The following NRG3 variants were observed in gnomAD, a reference collection of about 807,000 sequenced individuals.
NRG3 encodes the protein pro-neuregulin-3, membrane-bound isoform.
In NRG3, 31 loss-of-function variants were observed where a neutral mutation model predicts 66.9. The ratio of observed to expected loss-of-function variants is 0.46; its 90% CI spans 0.35 to 0.63. NRG3 has a LOEUF of 0.63. Ranked by LOEUF, NRG3 falls within the 20% of genes least tolerant of loss-of-function variation. NRG3 has a pLI of 0.00. For missense variants in NRG3, 910 were observed against 878.9 expected (o/e 1.04, Z -0.45); for synonymous variants, 393 against 359.4 (o/e 1.09, Z -1.06).
intron 1 of NRG3, among the ~76,000 whole-genome samples, chr10:82,121,462 G>A (rs1429299355): frequency 6.6e-6 from 1 of 152,100 alleles, no homozygotes; most frequent in East Asian, 1.9e-4. Context: ...ACTGCTTTCT[G>A]CAGAGTAGAC....
rs746088038 is a variant in NRG3 at position 82,223,988 on chromosome 10, C to T, written c.824-134751C>T. Among the ~76,000 whole-genome samples, 40 of 152,188 alleles carry T rather than the reference C, an allele frequency of 2.6e-4. 1 individual carries two copies. Among genetic ancestry groups the T allele is most frequent in the Admixed American group, 8.5e-4 (13 of 15,284 alleles). ...GTCTTATCATGACAGAAAATGTTGCCGGATTCTGGGCCAAAGTATGAAACA... is the reference window on the plus strand; with the variant it reads ...GTCTTATCATGACAGAAAATGTTGCTGGATTCTGGGCCAAAGTATGAAACA... On this transcript the variant is annotated intron_variant, in intron 1 of 8. Coordinates refer to ENST00000372141, the MANE Select transcript of NRG3 (RefSeq NM_001010848.4).
At chr10:82,976,319 G>C (rs139345551) in intron 7 of NRG3, among the ~76,000 whole-genome samples, 292 of 152,326 alleles carry the variant, frequency 1.9e-3, no homozygotes, top group African/African-American at 6.5e-3. Context: ...GCCTCCGAAA[G>C]TGCTGGGATT....
intron 2 of NRG3, among the ~76,000 whole-genome samples, chr10:82,616,249 G>T (rs1397356518): frequency 6.6e-6 from 1 of 152,134 alleles, no homozygotes; most frequent in Non-Finnish European, 1.5e-5. Context: ...TTAATTAGAT[G>T]TATTTTTTTT....
At chr10:82,399,656 T>G (rs2136040653) in intron 2 of NRG3, among the ~76,000 whole-genome samples, 1 of 152,298 alleles carries the variant, frequency 6.6e-6, no homozygotes, top group Non-Finnish European at 1.5e-5. Flanking sequence ...AAAAAGACAC[T>G]AATCCTATCA....
chr10:82,172,702 A>G (rs558142314), intron 1 of NRG3, among the ~76,000 whole-genome samples: 1 of 152,076 alleles, frequency 6.6e-6, no homozygotes, highest in Non-Finnish European at 1.5e-5. Flanking sequence ...GCCTTTATGC[A>G]TGTAAATTTA....
chr10:82,112,657 C>A (rs533817636), intron 1 of NRG3, among the ~76,000 whole-genome samples: 15 of 152,272 alleles, frequency 9.9e-5, no homozygotes, highest in African/African-American at 3.4e-4. Flanking sequence ...AATTATGACA[C>A]ATCTATTATT....
At position 82,001,538 on chromosome 10, in the gene NRG3, G is replaced by T. The variant is rs140021623; in HGVS notation, c.823+125375G>T. ...AGAAAAAGAAAAAAGGGGAAACGAG[G>T]AAAGAAGGAAAAAGAAGAGAGGAAT... is the stretch of plus-strand genomic sequence containing the variant. On this transcript the variant is annotated intron_variant, in intron 1 of 8. Coordinates refer to ENST00000372141, the MANE Select transcript of NRG3 (RefSeq NM_001010848.4). Among the ~76,000 whole-genome samples the T allele has an allele frequency of 3.0e-3, 456 of 151,800 alleles. 3 individuals are homozygous for T. Among genetic ancestry groups the T allele is most frequent in the African/African-American group, 1.0e-2 (413 of 41,418 alleles).
At chr10:82,418,641 C>T (rs989849760) in intron 2 of NRG3, among the ~76,000 whole-genome samples, 28 of 152,270 alleles carry the variant, frequency 1.8e-4, no homozygotes, top group African/African-American at 6.5e-4. Context: ...CACTCTGTTG[C>T]CTAGGCTGGA....
Position 82,855,482 on chromosome 10 carries a change from C to T in NRG3, c.1028-9929C>T, listed in dbSNP as rs541612911. ...GCACTATCTAGGCTCACTGCAACCT[C>T]GACTTCCCAGGCTCAAGCCATCCTC... On this transcript the variant is annotated intron_variant, in intron 3 of 8. Transcript: ENST00000372141. Among the ~76,000 whole-genome samples the T allele has an allele frequency of 3.3e-5, 5 of 152,210 alleles. No individual in the cohort carries two copies. In the South Asian group the frequency reaches 8.3e-4, roughly 25 times the overall value.
intron 2 of NRG3, among the ~76,000 whole-genome samples, chr10:82,529,201 A>G (rs963061524): frequency 2.0e-5 from 3 of 152,194 alleles, no homozygotes; most frequent in African/African-American, 7.2e-5. Context: ...GTCTTCTCAA[A>G]TGCGACTAAG....
chr10:82,392,229 AT>A (rs2086423315), intron 2 of NRG3, among the ~76,000 whole-genome samples: 2 of 152,132 alleles, frequency 1.3e-5, no homozygotes, highest in South Asian at 4.1e-4. Context: ...CGTCATTTCT[AT>A]TTCCTACCAT....
At chr10:82,517,644 TTTG>T (rs1845796337) in intron 2 of NRG3, among the ~76,000 whole-genome samples, 2 of 85,306 alleles carry the variant, frequency 2.3e-5, no homozygotes, top group Non-Finnish European at 4.0e-5. Context: ...CCCGTGTGTG[TTTG>T]TGTGTGTGTG....
At chr10:82,122,894 C>A (rs1424561725) in intron 1 of NRG3, among the ~76,000 whole-genome samples, 2 of 152,170 alleles carry the variant, frequency 1.3e-5, no homozygotes, top group Non-Finnish European at 2.9e-5. Context: ...CATTATAACA[C>A]CTCTTAATCT....
chr10:82,478,325 A>G (rs1422832389), intron 2 of NRG3, among the ~76,000 whole-genome samples: 1 of 19,018 alleles, frequency 5.3e-5, no homozygotes, highest in Non-Finnish European at 2.2e-4. Context: ...GGGTCATGGG[A>G]CAATAGTGGA....
intron 3 of NRG3, among the ~76,000 whole-genome samples, chr10:82,824,672 T>G (rs1037518245): frequency 2.0e-5 from 3 of 152,114 alleles, no homozygotes; most frequent in African/African-American, 7.2e-5. Flanking sequence ...ATATTTTTTT[T>G]GAGAACTGTA....
intron 1 of NRG3, among the ~76,000 whole-genome samples, chr10:82,049,534 G>T (rs1017692851): frequency 5.3e-5 from 8 of 151,974 alleles, no homozygotes; most frequent in Admixed American, 1.3e-4. Flanking sequence ...CCTATTGAAA[G>T]CTATTTTCAA....
At chr10:82,728,375 T>C (rs1266770507) in intron 2 of NRG3, among the ~76,000 whole-genome samples, 1 of 152,104 alleles carries the variant, frequency 6.6e-6, no homozygotes, top group Admixed American at 6.5e-5. Flanking sequence ...TGGGGTCTGG[T>C]CTTTCCTATG....
At chr10:82,684,295 C>A (rs1368776649) in intron 2 of NRG3, among the ~76,000 whole-genome samples, 1 of 152,166 alleles carries the variant, frequency 6.6e-6, no homozygotes, top group Non-Finnish European at 1.5e-5. Context: ...ACTTCCATTT[C>A]TTTCAAAAGT....
chr10:82,130,077 C>T (rs1246135793), intron 1 of NRG3, among the ~76,000 whole-genome samples: 2 of 151,990 alleles, frequency 1.3e-5, no homozygotes, highest in Admixed American at 1.3e-4. Flanking sequence ...TTTTTAGCTT[C>T]CACAGATGAG....
Sources: allele counts gnomAD v4.1 joint callset (sites outside exome capture counted in the v4.1 genomes callset), GRCh38; gene constraint gnomAD v4.1.1; transcripts MANE v1.5; gene names NCBI Gene and HGNC (gene_info 2026-07-23, HGNC 2026-07-21).